The following IFRD1 variants were observed in gnomAD, a reference collection of about 807,000 sequenced individuals.
IFRD1 encodes interferon-related developmental regulator 1.
A neutral mutation model predicts 52.9 loss-of-function variants in IFRD1; 35 were observed. That is an observed-to-expected ratio of 0.66 (90% CI 0.51 to 0.88). The LOEUF (loss-of-function observed/expected upper bound fraction) is 0.88, where lower values mean the gene tolerates loss of function less well. Ranked by LOEUF, IFRD1 falls within the 40% of genes least tolerant of loss-of-function variation. IFRD1 has a pLI of 0.00. For synonymous variants in IFRD1, 184 were observed against 188.4 expected (o/e 0.98, Z 0.19); for missense variants, 517 against 550.8 (o/e 0.94, Z 0.61).
chr7:112,450,614 G>C lies in IFRD1; in HGVS notation c.-75G>C, dbSNP rs987241758. ...CCTCTCAGCCGCCCGCCGCACAGAC[G>C]CACGAGTAAAAAGTGCAGCTCCATC... On this transcript the variant is annotated 5_prime_UTR_variant, in exon 1 of 12. Transcript: ENST00000403825. 1.1e-4 allele frequency: 130 copies of C among 1,185,762 alleles called. No homozygotes were observed. The highest frequency in any genetic ancestry group is 1.6e-4 in the Non-Finnish European group (126 of 794,720). The allele number at this position is 1,185,762 out of a possible 1,614,324, so 73.5% of individuals were successfully genotyped here.
chr7:112,473,683 C>T (rs1010179167), intron 11 of IFRD1, among the ~76,000 whole-genome samples: 1 of 152,138 alleles, frequency 6.6e-6, no homozygotes, highest in Non-Finnish European at 1.5e-5. Context: ...CTTTGGCCTC[C>T]CAAAGTGCTG....
At chr7:112,441,636 G>A (rs1794893435) in intron 1 of IFRD1, among the ~76,000 whole-genome samples, 1 of 152,098 alleles carries the variant, frequency 6.6e-6, no homozygotes, top group African/African-American at 2.4e-5. Context: ...TCATGTCTGT[G>A]GTGGGCAGAT....
intron 1 of IFRD1, among the ~76,000 whole-genome samples, chr7:112,432,269 T>TATC (rs1794564293): frequency 6.6e-6 from 1 of 152,206 alleles, no homozygotes; most frequent in Admixed American, 6.5e-5. Flanking sequence ...GGTAAGAAAT[T>TATC]ATCTTAATTT....
intron 11 of IFRD1, among the ~76,000 whole-genome samples, chr7:112,473,264 A>G (rs1276877747): frequency 6.6e-6 from 1 of 152,040 alleles, no homozygotes; most frequent in Non-Finnish European, 1.5e-5. Flanking sequence ...GGTGTTCATT[A>G]TTTGTTTCTT....
chr7:112,449,758 T>C (rs989125648), upstream of IFRD1, among the ~76,000 whole-genome samples: 2 of 144,750 alleles, frequency 1.4e-5, no homozygotes, highest in African/African-American at 5.1e-5. Flanking sequence ...AATCGTCATA[T>C]ATTCCTAGTC....
At chr7:112,440,964 C>G (rs113333661) in intron 1 of IFRD1, among the ~76,000 whole-genome samples, 1 of 152,028 alleles carries the variant, frequency 6.6e-6, no homozygotes, top group Non-Finnish European at 1.5e-5. Flanking sequence ...GGCAAAACCC[C>G]GTCTCTACAA....
At chr7:112,443,817 G>A (rs1794954642) in intron 1 of IFRD1, among the ~76,000 whole-genome samples, 1 of 147,296 alleles carries the variant, frequency 6.8e-6, no homozygotes, top group South Asian at 2.2e-4. Context: ...AACCGAGATC[G>A]CACCATGGCA....
At chr7:112,459,123 A>G in intron 5 of IFRD1, 105 bp downstream of exon 5, 1 of 977,552 alleles carries the variant, frequency 1.0e-6, no homozygotes, top group Non-Finnish European at 1.6e-6. Context: ...GGCAAGAGAG[A>G]GGATCTTGTA....
chr7:112,462,307 G>A lies in IFRD1; in HGVS notation c.835G>A (p.Asp279Asn), dbSNP rs917816121. Residue 279 changes from aspartate to asparagine, a missense_variant, in exon 8 of 12, where the codon GAT becomes AAT. Asp to Asn is a conservative substitution (Grantham distance 23). Coordinates refer to ENST00000403825, the MANE Select transcript of IFRD1 (RefSeq NM_001550.4). Reference sequence around the variant, plus strand: ...GCTTCCAAGCCTCCTCTCTTGTGATGATGTAAACATGAGAATAGCTGCTGG... The same window carrying A: ...GCTTCCAAGCCTCCTCTCTTGTGATAATGTAAACATGAGAATAGCTGCTGG... ...HKLPSLLSCD[D>N]VNMRIAAGES... 4 of 1,613,716 alleles carry A rather than the reference G, an allele frequency of 2.5e-6. No individual in the cohort carries two copies. The highest frequency in any genetic ancestry group is 3.4e-6 in the Non-Finnish European group (4 of 1,179,748).
chr7:112,429,138 T>C (rs921237063), intron 1 of IFRD1, among the ~76,000 whole-genome samples: 4 of 152,230 alleles, frequency 2.6e-5, no homozygotes, highest in African/African-American at 7.2e-5. Flanking sequence ...AATTACTCCG[T>C]TGTACTTTCT....
At chr7:112,475,125 A>AT (rs550341420) in intron 11 of IFRD1, among the ~76,000 whole-genome samples, 384 of 151,892 alleles carry the variant, frequency 2.5e-3, no homozygotes, top group Non-Finnish European at 4.4e-3. Flanking sequence ...TGCCTGGCTA[A>AT]TTTTTTGTAT....
rs532352620 is a variant in IFRD1, at chr7:112,427,791, A to G, written c.-182+4359A>G. 8.2e-4 allele frequency among the ~76,000 whole-genome samples: 125 copies of G among 152,364 alleles called. 1 individual carries two copies. Among genetic ancestry groups the G allele is most frequent in the African/African-American group, 2.7e-3 (114 of 41,586 alleles). On this transcript the variant is annotated intron_variant, in intron 1 of 12. Coordinates refer to the IFRD1 transcript ENST00000005558. Reference sequence around the variant, plus strand: ...TTAATTTGTTCACTCATTCAAAAATATCTAGTGAGACCTACATTCTGTGAA... The same window carrying G: ...TTAATTTGTTCACTCATTCAAAAATGTCTAGTGAGACCTACATTCTGTGAA...
At chr7:112,467,179 TA>T (rs928261200) in intron 8 of IFRD1, among the ~76,000 whole-genome samples, 1 of 152,188 alleles carries the variant, frequency 6.6e-6, no homozygotes, top group Non-Finnish European at 1.5e-5. Flanking sequence ...AAATGATTCT[TA>T]ACCTCTAATG....
At chr7:112,430,605 A>G (rs182104200) in intron 1 of IFRD1, among the ~76,000 whole-genome samples, 1 of 152,332 alleles carries the variant, frequency 6.6e-6, no homozygotes. Flanking sequence ...TAGAAAATAG[A>G]GAAGTCTTTC....
In IFRD1 at chr7:112,458,879, G is replaced by A. The variant is rs1024269408; in HGVS notation, c.428G>A (p.Arg143His). The A allele has an allele frequency of 1.2e-6, 2 of 1,613,884 alleles. No homozygotes were observed. The highest frequency in any genetic ancestry group is 1.7e-6 in the Non-Finnish European group (2 of 1,179,928). Residue 143 changes from arginine (R) to histidine (H), a missense_variant, in exon 5 of 12, where the codon CGT becomes CAT. Arg to His is a conservative substitution (Grantham distance 29). Transcript: ENST00000403825. The stretch of plus-strand genomic sequence containing the variant: ...TTTATAGGTAAGAGTGATGAGCAAC[G>A]TGCAGCTGCAGCGTTAGCATCTGTT... ...CLKKGKSDEQ[R>H]AAAALASVLC...
At chr7:112,425,419 G>A (rs968184244) in intron 1 of IFRD1, among the ~76,000 whole-genome samples, 1 of 152,214 alleles carries the variant, frequency 6.6e-6, no homozygotes, top group Non-Finnish European at 1.5e-5. Context: ...GCACAAACAG[G>A]TAGAAGAAGG....
At position 112,453,392 on chromosome 7, in the gene IFRD1, G is replaced by T. The variant is rs117466197; in HGVS notation, c.95-2371G>T. Among the ~76,000 whole-genome samples, 8 of 152,122 alleles carry T rather than the reference G, an allele frequency of 5.3e-5. No homozygotes were observed. In the East Asian group the frequency reaches 1.5e-3, roughly 29 times the overall value. The stretch of plus-strand genomic sequence containing the variant: ...GGTACTTAGGATCACAGTGTGGGTG[G>T]GTGAGTTTGACCTAAATATCAGGCA... On this transcript the variant is annotated intron_variant, in intron 1 of 11. Coordinates refer to ENST00000403825, the MANE Select transcript of IFRD1 (RefSeq NM_001550.4).
Position 112,461,870 on chromosome 7 carries a change from C to T in IFRD1, c.572C>T (p.Ala191Val), listed in dbSNP as rs1372596542. 1.3e-6 allele frequency: 2 copies of T among 1,565,356 alleles called. No individual in the cohort carries two copies. Among genetic ancestry groups the T allele is most frequent in the African/African-American group, 1.4e-5 (1 of 73,476 alleles). The change falls in exon 6 of 12, where the codon GCA (alanine) becomes GTA (valine). Residue 191 changes from alanine to valine, a missense_variant. Coordinates refer to ENST00000403825, the MANE Select transcript of IFRD1 (RefSeq NM_001550.4). The stretch of plus-strand genomic sequence containing the variant: ...TATATATATTTTTTTTTTTAGTGTG[C>T]AACTTGCTTTGGTGTTTGCTGTTTT... ...SASMQARQTC[A>V]TCFGVCCFIA...
chr7:112,425,023 G>C (rs1475384511), intron 1 of IFRD1, among the ~76,000 whole-genome samples: 2 of 151,950 alleles, frequency 1.3e-5, no homozygotes, highest in Admixed American at 6.6e-5. Context: ...GTTTTTTTGA[G>C]ATAGCATCTC....
Sources: allele counts gnomAD v4.1 joint callset (sites outside exome capture counted in the v4.1 genomes callset), GRCh38; gene constraint gnomAD v4.1.1; transcripts MANE v1.5; gene names NCBI Gene and HGNC (gene_info 2026-07-23, HGNC 2026-07-21).